Variants in MYO6 observed in about 807,000 individuals in gnomAD.
MYO6 encodes the protein unconventional myosin-VI.
In MYO6, 74 loss-of-function variants were observed where a neutral mutation model predicts 178.7. That is an observed-to-expected ratio of 0.41 (90% CI 0.34 to 0.50). The LOEUF (loss-of-function observed/expected upper bound fraction) is 0.50, where lower values mean the gene tolerates loss of function less well. MYO6 is among the 20% of genes least tolerant of loss of function. The probability of loss-of-function intolerance (pLI) is 0.09; values close to 1 mark genes in which losing one functional copy is unlikely to be tolerated. For missense variants in MYO6, 1,330 were observed against 1,547.4 expected, an observed-to-expected ratio of 0.86 and a Z score of 2.36; for synonymous variants, 477 against 504.6, an observed-to-expected ratio of 0.95 and a Z score of 0.73.
chr6:75,787,724 CTCTCTCTATATATATA>C (rs1344946685), intron 1 of MYO6, among the ~76,000 whole-genome samples: 13 of 24,408 alleles, frequency 5.3e-4, no homozygotes, highest in South Asian at 1.9e-3. Context: ...CTCTCTCTCT[CTCTCTCTATATATATA>C]TATATATATA....
chr6:75,754,286 C>T (rs1777146854), intron 1 of MYO6, among the ~76,000 whole-genome samples: 1 of 151,974 alleles, frequency 6.6e-6, no homozygotes, highest in Admixed American at 6.6e-5. Context: ...TTTGGGAGGC[C>T]AAGGTGGGTG....
chr6:75,908,345 C>T (rs2149417508), intron 31 of MYO6, 151 bp from the exon 32 acceptor site: 1 of 694,032 alleles, frequency 1.4e-6, no homozygotes, highest in Admixed American at 2.8e-5. Context: ...TTATAAAATG[C>T]TTATCCTTAT....
chr6:75,851,650 A>G (rs1562247165), intron 11 of MYO6, among the ~76,000 whole-genome samples: 1 of 151,780 alleles, frequency 6.6e-6, no homozygotes, highest in African/African-American at 2.4e-5. Flanking sequence ...AAAACAAAAA[A>G]ACCCCCAAAA....
chr6:75,890,395 G>A, intron 26 of MYO6, 130 bp downstream of exon 26: 1 of 1,283,770 alleles, frequency 7.8e-7, no homozygotes, highest in South Asian at 1.3e-5. Flanking sequence ...TGCCCAGGCT[G>A]GAGTGCAGTG....
At chr6:75,851,077 G>A (rs1583272859) in intron 11 of MYO6, among the ~76,000 whole-genome samples, 1 of 152,176 alleles carries the variant, frequency 6.6e-6, no homozygotes, top group Non-Finnish European at 1.5e-5. Flanking sequence ...ACAAAAAAAA[G>A]TCTTTACAAT....
At chr6:75,825,097 G>T (rs1384891282) in intron 3 of MYO6, among the ~76,000 whole-genome samples, 1 of 152,106 alleles carries the variant, frequency 6.6e-6, no homozygotes, top group East Asian at 1.9e-4. Flanking sequence ...TTTATATGTA[G>T]AAATTAGTAT....
intron 10 of MYO6, among the ~76,000 whole-genome samples, chr6:75,846,445 A>T (rs1030393614): frequency 6.6e-6 from 1 of 152,152 alleles, no homozygotes; most frequent in African/African-American, 2.4e-5. Context: ...GATAGAAAGC[A>T]AATAAAATAT....
intron 32 of MYO6, 89 bp downstream of exon 32, chr6:75,908,716 T>G: frequency 7.0e-7 from 1 of 1,433,042 alleles, no homozygotes; most frequent in Non-Finnish European, 9.8e-7. Flanking sequence ...AAATGTCCCA[T>G]ATAAATTTTC....
At chr6:75,906,117 A>G (rs776255780) in intron 30 of MYO6, among the ~76,000 whole-genome samples, 1 of 152,184 alleles carries the variant, frequency 6.6e-6, no homozygotes, top group Non-Finnish European at 1.5e-5. Flanking sequence ...TAGGTGGATA[A>G]TGGAGAATTT....
chr6:75,796,761 C>G (rs1415931036), intron 1 of MYO6, among the ~76,000 whole-genome samples: 1 of 151,682 alleles, frequency 6.6e-6, no homozygotes, highest in African/African-American at 2.4e-5. Context: ...AGCCACCACA[C>G]CTGGCATTGG....
At position 75,917,663 on chromosome 6, in the gene MYO6, A is replaced by G. The variant is rs984183315; in HGVS notation, c.*2651A>G. The G allele has an allele frequency of 2.0e-5, 3 of 152,460 alleles. No homozygotes were observed. The highest frequency in any genetic ancestry group is 4.8e-5 in the African/African-American group (2 of 41,464). The allele number at this position is 152,460 out of a possible 1,614,324, so 9.4% of individuals were successfully genotyped here. A position where few individuals can be genotyped will look rare whatever the true frequency, so the allele number is the denominator to read the frequency against. ...CATTCTGCTTCTGTAATGACTTTTC[A>G]TAGGTCATTCTTGTGAACCATTTTG... On this transcript the variant is annotated 3_prime_UTR_variant, in exon 35 of 35. Coordinates refer to ENST00000369977, the MANE Select transcript of MYO6 (RefSeq NM_004999.4).
chr6:75,904,618 T>C (rs537976663), intron 30 of MYO6, among the ~76,000 whole-genome samples: 55 of 152,328 alleles, frequency 3.6e-4, no homozygotes, highest in African/African-American at 1.3e-3. Context: ...TTATTCTAGT[T>C]ATACGTTCTT....
At chr6:75,758,829 G>A (rs991911815) in intron 1 of MYO6, among the ~76,000 whole-genome samples, 2 of 151,590 alleles carry the variant, frequency 1.3e-5, no homozygotes, top group Non-Finnish European at 2.9e-5. Flanking sequence ...AATTTTTAAC[G>A]ATTATACAAA....
chr6:75,817,453 T>A, intron 1 of MYO6, 48 bp from the exon 2 acceptor site: 1 of 971,604 alleles, frequency 1.0e-6, no homozygotes, highest in Non-Finnish European at 1.7e-6. Flanking sequence ...TTGTTTTATA[T>A]ATATTTCAAA....
chr6:75,754,331 G>T (rs1777150065), intron 1 of MYO6, among the ~76,000 whole-genome samples: 1 of 151,764 alleles, frequency 6.6e-6, no homozygotes, highest in Admixed American at 6.6e-5. Context: ...ACCAGCCTGG[G>T]CAATGTGGTG....
chr6:75,885,047 T>C (rs1778322251), intron 23 of MYO6, among the ~76,000 whole-genome samples: 2 of 152,208 alleles, frequency 1.3e-5, no homozygotes, highest in Non-Finnish European at 2.9e-5. Flanking sequence ...TAAACTTTAA[T>C]AAACTAAGTT....
At chr6:75,774,317 G>A (rs552873508) in intron 1 of MYO6, among the ~76,000 whole-genome samples, 77 of 152,082 alleles carry the variant, frequency 5.1e-4, no homozygotes, top group African/African-American at 1.8e-3. Flanking sequence ...GTACCAAATA[G>A]GATTAATGAT....
intron 1 of MYO6, among the ~76,000 whole-genome samples, chr6:75,810,020 G>C (rs1286236818): frequency 6.7e-6 from 1 of 148,478 alleles, no homozygotes; most frequent in African/African-American, 2.5e-5. Context: ...GGAGGCGGAG[G>C]TTTCAGTGAG....
chr6:75,911,649 C>T, intron 32 of MYO6, 23 bp from the exon 33 acceptor site: 1 of 1,603,392 alleles, frequency 6.2e-7, no homozygotes. Flanking sequence ...ATCTTTTCTT[C>T]AACATAAAAT....
Sources: gnomAD v4.1 joint callset for allele counts (sites outside exome capture counted in the v4.1 genomes callset) on GRCh38, gnomAD v4.1.1 for gene constraint, MANE v1.5 for transcripts, NCBI Gene and HGNC (gene_info 2026-07-23, HGNC 2026-07-21) for gene names.